The following HMGB1 variants were observed in gnomAD, a reference collection of about 807,000 sequenced individuals.
HMGB1 encodes the protein high mobility group box 1, also known as high mobility group protein B1.
For missense variants in HMGB1, 79 were observed against 253.5 expected, an observed-to-expected ratio of 0.31 and a Z score of 4.67; for synonymous variants, 81 against 84.0, an observed-to-expected ratio of 0.96 and a Z score of 0.19.
upstream of HMGB1, among the ~76,000 whole-genome samples, chr13:30,468,403 C>T (rs1164740949): frequency 6.6e-6 from 1 of 152,090 alleles, no homozygotes; most frequent in African/African-American, 2.4e-5. Context: ...TACAGGCATG[C>T]GCCACCATGC....
intron 1 of HMGB1, among the ~76,000 whole-genome samples, chr13:30,480,809 G>A (rs1357560489): frequency 6.6e-6 from 1 of 151,828 alleles, no homozygotes; most frequent in African/African-American, 2.4e-5. Flanking sequence ...AGTGCCTAAA[G>A]TACCTAGTTC....
intron 1 of HMGB1, among the ~76,000 whole-genome samples, chr13:30,499,918 C>T (rs898389686): frequency 6.6e-6 from 1 of 152,222 alleles, no homozygotes; most frequent in African/African-American, 2.4e-5. Context: ...TTCCTCGGGC[C>T]TGGGGAAATG....
chr13:30,463,787 G>C, intron 1 of HMGB1, 93 bp from the exon 2 acceptor site: 4 of 764,630 alleles, frequency 5.2e-6, no homozygotes, highest in South Asian at 4.0e-5. Context: ...CCAAAGTACT[G>C]GTTATTTAAC....
At chr13:30,517,115 A>C (rs1240150782) in intron 1 of HMGB1, among the ~76,000 whole-genome samples, 1 of 152,248 alleles carries the variant, frequency 6.6e-6, no homozygotes, top group Non-Finnish European at 1.5e-5. Flanking sequence ...TTCTTGGTCT[A>C]GTTCAGTGGT....
chr13:30,514,957 A>G (rs1888070888), intron 1 of HMGB1, among the ~76,000 whole-genome samples: 1 of 152,204 alleles, frequency 6.6e-6, no homozygotes, highest in African/African-American at 2.4e-5. Context: ...GAGTATGACG[A>G]GAGTTGACTC....
At chr13:30,561,747 G>A (rs1869962598) in intron 1 of HMGB1, among the ~76,000 whole-genome samples, 1 of 152,132 alleles carries the variant, frequency 6.6e-6, no homozygotes, top group Admixed American at 6.5e-5. Context: ...CTTTAAGACT[G>A]AAATACATAA....
intron 1 of HMGB1, among the ~76,000 whole-genome samples, chr13:30,598,183 C>A (rs1227362998): frequency 6.6e-6 from 1 of 152,168 alleles, no homozygotes; most frequent in Non-Finnish European, 1.5e-5. Flanking sequence ...TAGACACATA[C>A]CCCAAGGTTA....
At chr13:30,474,757 T>TC (rs1423252943) in intron 1 of HMGB1, among the ~76,000 whole-genome samples, 16 of 125,140 alleles carry the variant, frequency 1.3e-4, no homozygotes, top group African/African-American at 4.0e-4. Flanking sequence ...GGTCTCTCTC[T>TC]CCTTTTTTTT....
At chr13:30,505,898 T>C (rs2137458217) in intron 1 of HMGB1, among the ~76,000 whole-genome samples, 1 of 152,236 alleles carries the variant, frequency 6.6e-6, no homozygotes, top group South Asian at 2.1e-4. Context: ...TGTTTTTTTG[T>C]ATTTTTAGTA....
intron 1 of HMGB1, among the ~76,000 whole-genome samples, chr13:30,557,380 C>A (rs778535502): frequency 6.6e-6 from 1 of 152,164 alleles, no homozygotes; most frequent in South Asian, 2.1e-4. Context: ...AAAAAGAATG[C>A]CTAGTCTATG....
rs201924455 is a variant in HMGB1 at position 30,589,127 on chromosome 13, T to TC, written c.-15+27543dup. Among the ~76,000 whole-genome samples the TC allele has an allele frequency of 3.9e-3, 595 of 151,336 alleles. 10 individuals carry two copies. Among genetic ancestry groups the TC allele is most frequent in the East Asian group, 0.027 (135 of 4,948 alleles). On this transcript the variant is annotated intron_variant, in intron 1 of 4. Transcript: ENST00000405805. ...TTTAAGCGATTCTCCAGCCTCAGCC[T>TC]CCCGAGTAGCTGGGATTACAGGCAT...
Position 30,460,525 on chromosome 13 carries a change from T to C in HMGB1, c.*832A>G, listed in dbSNP as rs1021627653. Reference sequence around the variant, plus strand: ...TTACATGGTAATGGGAGTTAAAGAATAGAGTCCTCATGTAAAGGTTAGAAC... The same window carrying C: ...TTACATGGTAATGGGAGTTAAAGAACAGAGTCCTCATGTAAAGGTTAGAAC... On this transcript the variant is annotated 3_prime_UTR_variant, in exon 5 of 5. Coordinates refer to ENST00000341423, the MANE Select transcript of HMGB1 (RefSeq NM_002128.7). The C allele has an allele frequency of 2.0e-5, 3 of 152,182 alleles. No individual in the cohort carries two copies. Among genetic ancestry groups the C allele is most frequent in the Non-Finnish European group, 2.9e-5 (2 of 67,898 alleles). 9.4% of individuals were successfully genotyped at this position (152,182 alleles called of 1,614,324 possible).
At chr13:30,470,575 C>A (rs1886896729), upstream of HMGB1, among the ~76,000 whole-genome samples, 1 of 152,178 alleles carries the variant, frequency 6.6e-6, no homozygotes, top group African/African-American at 2.4e-5. Flanking sequence ...CTATGGCAAG[C>A]CAAATTAGAC....
chr13:30,475,227 T>TC, intron 1 of HMGB1, among the ~76,000 whole-genome samples: 1 of 137,644 alleles, frequency 7.3e-6, no homozygotes, highest in African/African-American at 2.9e-5. Flanking sequence ...CTCTCTCTCT[T>TC]TTTTTTTTTT....
intron 1 of HMGB1, among the ~76,000 whole-genome samples, chr13:30,614,166 C>A (rs1950539030): frequency 6.6e-6 from 1 of 152,158 alleles, no homozygotes; most frequent in East Asian, 1.9e-4. Context: ...AAACTGGTAG[C>A]ACTGGTTGCT....
chr13:30,592,504 A>T (rs1030842808), intron 1 of HMGB1, among the ~76,000 whole-genome samples: 2 of 152,194 alleles, frequency 1.3e-5, no homozygotes, highest in African/African-American at 4.8e-5. Context: ...TAGTACTCTT[A>T]GAAATTATCC....
chr13:30,583,932 G>C (rs1481393256), intron 1 of HMGB1, among the ~76,000 whole-genome samples: 6 of 151,868 alleles, frequency 4.0e-5, no homozygotes, highest in African/African-American at 1.2e-4. Context: ...TTGAACCTAG[G>C]AATTTGAGGC....
At chr13:30,579,184 G>A (rs1034518480) in intron 1 of HMGB1, among the ~76,000 whole-genome samples, 1 of 152,200 alleles carries the variant, frequency 6.6e-6, no homozygotes, top group Non-Finnish European at 1.5e-5. Context: ...TAGAAAAAGT[G>A]AGAAGAAACT....
intron 1 of HMGB1, among the ~76,000 whole-genome samples, chr13:30,596,074 A>G (rs981704126): frequency 3.9e-5 from 6 of 152,166 alleles, no homozygotes; most frequent in Admixed American, 1.3e-4. Flanking sequence ...ATTAAACTCA[A>G]TTCCTTGGTA....
Sources: allele counts gnomAD v4.1 joint callset (sites outside exome capture counted in the v4.1 genomes callset), GRCh38; gene constraint gnomAD v4.1.1; transcripts MANE v1.5; gene names NCBI Gene and HGNC (gene_info 2026-07-23, HGNC 2026-07-21).